Variants in TBC1D16 observed in about 807,000 individuals in gnomAD.
TBC1D16 encodes TBC1 domain family member 16.
TBC1D16 carries 58 observed loss-of-function variants against 74.7 expected under a neutral mutation model. The ratio of observed to expected loss-of-function variants is 0.78; its 90% confidence interval spans 0.63 to 0.97. The LOEUF (loss-of-function observed/expected upper bound fraction) is 0.97. TBC1D16 is among the 50% of genes least tolerant of loss of function. The probability of loss-of-function intolerance (pLI) is 0.00; values close to 1 mark genes in which losing one functional copy is unlikely to be tolerated. For missense variants in TBC1D16, 1,014 were observed against 1,079.5 expected, an observed-to-expected ratio of 0.94 and a Z score of 0.85; for synonymous variants, 493 against 474.7, an observed-to-expected ratio of 1.04 and a Z score of -0.50.
intron 8 of TBC1D16, among the ~76,000 whole-genome samples, chr17:79,948,037 G>A (rs1283994257): frequency 3.3e-5 from 5 of 152,240 alleles, no homozygotes; most frequent in South Asian, 2.1e-4. Context: ...CTGGCCGGGC[G>A]CGGTGGCCCA....
Position 79,975,051 on chromosome 17 carries a change from ACCT to A in TBC1D16, c.780-22236_780-22234del, listed in dbSNP as rs2034273380. Among the ~76,000 whole-genome samples the A allele has an allele frequency of 6.6e-6, 1 of 151,648 alleles. No homozygotes were observed. The highest frequency in any genetic ancestry group is 2.4e-5 in the African/African-American group (1 of 41,242). On this transcript the variant is annotated intron_variant, in intron 3 of 11. Coordinates refer to ENST00000310924, the MANE Select transcript of TBC1D16 (RefSeq NM_019020.4). This position sits in a 1 kb window ranked among gnomAD's most constrained non-coding sequence, Gnocchi z 4.5. The stretch of plus-strand genomic sequence containing the variant: ...CAAGGAAGAAGCCCTCTGCTCCGTC[ACCT>A]CCTCGCCATGCCGTCCCCACTGCCA...
rs2034925332 is a variant in TBC1D16 at position 79,988,386 on chromosome 17, C to T, written c.779+21774G>A. 1.3e-5 allele frequency among the ~76,000 whole-genome samples: 2 copies of T among 152,388 alleles called. No individual in the cohort carries two copies. Among genetic ancestry groups the T allele is most frequent in the South Asian group, 4.1e-4 (2 of 4,832 alleles). ...TGTGGCTGATTTACCCAAACTGAAACATTTTCCTTTTGTCGACTGTAGAGA... is the reference window on the plus strand; with the variant it reads ...TGTGGCTGATTTACCCAAACTGAAATATTTTCCTTTTGTCGACTGTAGAGA... On this transcript the variant is annotated intron_variant, in intron 3 of 11. Coordinates refer to ENST00000310924, the MANE Select transcript of TBC1D16 (RefSeq NM_019020.4). This position sits in a 1 kb window ranked among gnomAD's most constrained non-coding sequence, Gnocchi z 5.7.
At chr17:79,977,765 A>C (rs913351091) in intron 3 of TBC1D16, among the ~76,000 whole-genome samples, 1 of 152,256 alleles carries the variant, frequency 6.6e-6, no homozygotes, top group Non-Finnish European at 1.5e-5. Context: ...TCCAGCCGAG[A>C]GGCTGGACTC....
In TBC1D16 at chr17:80,025,562, CCCGCCTGCTGGGAGCAG is replaced by C. The variant is rs1489248382; in HGVS notation, c.-63+10216_-63+10232del. Among the ~76,000 whole-genome samples, 141 of 148,452 alleles carry C rather than the reference CCCGCCTGCTGGGAGCAG, an allele frequency of 9.5e-4. 11 individuals carry two copies. Among genetic ancestry groups the C allele is most frequent in the Middle Eastern group, 3.5e-3 (1 of 282 alleles). ...CAGTCCTGGCACCTGGGCTTCGGGG[CCCGCCTGCTGGGAGCAG>C]CCGCCTGCTGGGAGCACCTCCTTGC... is the stretch of plus-strand genomic sequence containing the variant. On this transcript the variant is annotated intron_variant, in intron 1 of 11. Transcript: ENST00000310924.
At chr17:79,942,623 GGAAGTCT>G (rs1205564198) in intron 10 of TBC1D16, among the ~76,000 whole-genome samples, 1 of 152,160 alleles carries the variant, frequency 6.6e-6, no homozygotes, top group Non-Finnish European at 1.5e-5. Flanking sequence ...CGGTGTGTGC[GGAAGTCT>G]GGGTCAGAAC....
intron 3 of TBC1D16, among the ~76,000 whole-genome samples, chr17:79,969,498 G>A (rs1159344406): frequency 6.6e-6 from 1 of 152,338 alleles, no homozygotes; most frequent in Non-Finnish European, 1.5e-5. Flanking sequence ...TGGTGAGGAG[G>A]TCCTAGAGAA....
At chr17:80,032,159 G>A (rs1375123951) in intron 1 of TBC1D16, among the ~76,000 whole-genome samples, 2 of 152,222 alleles carry the variant, frequency 1.3e-5, no homozygotes, top group African/African-American at 4.8e-5. Context: ...AAGCCAGCAT[G>A]GATGCGGGCT....
chr17:79,954,669 C>T lies in TBC1D16; in HGVS notation c.780-1851G>A, dbSNP rs2033250905. On this transcript the variant is annotated intron_variant, in intron 3 of 11. Transcript: ENST00000310924. The surrounding 1 kb of genome is among the most constrained non-coding windows in gnomAD (Gnocchi z 5.5). ...GCAGGTCTCGAGTCTGAGGCCCCAC[C>T]GCACCCATGGGTGCCCCCTTCTGTC... Among the ~76,000 whole-genome samples, 3 of 152,270 alleles carry T rather than the reference C, an allele frequency of 2.0e-5. No homozygotes were observed. The highest frequency in any genetic ancestry group is 1.9e-4 in the East Asian group (1 of 5,178).
chr17:79,963,042 C>T (rs2033685177), intron 3 of TBC1D16, among the ~76,000 whole-genome samples: 1 of 144,466 alleles, frequency 6.9e-6, no homozygotes, highest in African/African-American at 2.5e-5. Context: ...AAGAGCAAAA[C>T]TCCATCTCAA....
intron 3 of TBC1D16, among the ~76,000 whole-genome samples, chr17:79,997,356 T>C (rs564680575): frequency 1.6e-4 from 24 of 152,242 alleles, no homozygotes; most frequent in Non-Finnish European, 3.1e-4. Flanking sequence ...CGGTACTTTT[T>C]TTTTTTTTGC....
intron 1 of TBC1D16, among the ~76,000 whole-genome samples, chr17:80,027,335 G>A (rs2036613404): frequency 6.6e-6 from 1 of 152,022 alleles, no homozygotes. Flanking sequence ...GGTGGCATGT[G>A]CCTATAGTCC....
Position 79,981,567 on chromosome 17 carries a change from G to A in TBC1D16, c.779+28593C>T, listed in dbSNP as rs1387867636. On this transcript the variant is annotated intron_variant, in intron 3 of 11. Transcript: ENST00000310924. This position sits in a 1 kb window ranked among gnomAD's most constrained non-coding sequence, Gnocchi z 6.9. ...ACGCAGAGACATATTCAAGATCGTC[G>A]GTGATAAAGAAATGCGCATGAACAT... 1.3e-5 allele frequency among the ~76,000 whole-genome samples: 2 copies of A among 152,180 alleles called. No individual in the cohort carries two copies. Among genetic ancestry groups the A allele is most frequent in the Non-Finnish European group, 2.9e-5 (2 of 68,030 alleles).
chr17:80,010,123 G>A lies in TBC1D16; in HGVS notation c.779+37C>T, dbSNP rs767197172. 9 of 1,542,646 alleles carry A rather than the reference G, an allele frequency of 5.8e-6. No individual in the cohort carries two copies. The highest frequency in any genetic ancestry group is 7.9e-6 in the Non-Finnish European group (9 of 1,136,114). On this transcript the variant is annotated intron_variant, in intron 3 of 11. Transcript: ENST00000310924. This position sits in a 1 kb window ranked among gnomAD's most constrained non-coding sequence, Gnocchi z 8.8. Reference sequence around the variant, plus strand: ...TTCCTGCCCAGGTCAGGCCTTGGGGGCCTCCCGAGAGCCCACGCCCAGAAC... The same window carrying A: ...TTCCTGCCCAGGTCAGGCCTTGGGGACCTCCCGAGAGCCCACGCCCAGAAC...
intron 3 of TBC1D16, among the ~76,000 whole-genome samples, chr17:79,960,879 G>A (rs1009141513): frequency 6.4e-5 from 9 of 141,570 alleles, no homozygotes; most frequent in African/African-American, 2.1e-4. Context: ...ACAATGTGAC[G>A]GGAAGTCAAA....
chr17:79,963,118 G>A (rs117707697), intron 3 of TBC1D16, among the ~76,000 whole-genome samples: 5,042 of 151,614 alleles, frequency 0.033, 130 homozygotes, highest in East Asian at 0.081. Context: ...GGGGGAGACT[G>A]AGGCAGGAGA....
chr17:80,035,014 A>G lies in TBC1D16; in HGVS notation c.-63+781T>C, dbSNP rs1047077810. On this transcript the variant is annotated intron_variant, in intron 1 of 11. Coordinates refer to ENST00000310924, the MANE Select transcript of TBC1D16 (RefSeq NM_019020.4). The surrounding 1 kb of genome is among the most constrained non-coding windows in gnomAD (Gnocchi z 5.3). ...CCCAGACAGTAAAACAAACTTTACCATAAGGCGAGACTAACTTTTGTTATG... is the reference window on the plus strand; with the variant it reads ...CCCAGACAGTAAAACAAACTTTACCGTAAGGCGAGACTAACTTTTGTTATG... Among the ~76,000 whole-genome samples the G allele has an allele frequency of 2.4e-4, 36 of 152,342 alleles. No homozygotes were observed. The highest frequency in any genetic ancestry group is 6.8e-3 in the Middle Eastern group (2 of 294).
In TBC1D16 at chr17:79,954,184, G is replaced by T. The variant is rs1457906397; in HGVS notation, c.780-1366C>A. Among the ~76,000 whole-genome samples the T allele has an allele frequency of 1.3e-5, 2 of 152,206 alleles. No individual in the cohort carries two copies. The highest frequency in any genetic ancestry group is 3.4e-3 in the Middle Eastern group (1 of 294). On this transcript the variant is annotated intron_variant, in intron 3 of 11. Coordinates refer to ENST00000310924, the MANE Select transcript of TBC1D16 (RefSeq NM_019020.4). The surrounding 1 kb of genome is among the most constrained non-coding windows in gnomAD (Gnocchi z 5.5). ...CCACAGAGACTCAGCCGCATTCACC[G>T]CACCTGCCTTCCCGTTTGAGCTCAG...
At chr17:79,942,232 A>C in intron 10 of TBC1D16, 26 bp from the exon 11 acceptor site, 1 of 1,564,462 alleles carries the variant, frequency 6.4e-7, no homozygotes, top group Non-Finnish European at 8.7e-7. Flanking sequence ...GAGTTCAGAC[A>C]CGGGCTCTGA....
rs1398419414 is a variant in TBC1D16 at position 79,983,565 on chromosome 17, A to C, written c.779+26595T>G. On this transcript the variant is annotated intron_variant, in intron 3 of 11. Coordinates refer to ENST00000310924, the MANE Select transcript of TBC1D16 (RefSeq NM_019020.4). The surrounding 1 kb of genome is among the most constrained non-coding windows in gnomAD (Gnocchi z 5.6). ...GGGAGCTGAGCCACCGACGGCTACA[A>C]AGACGGGGACGCTTTCCTAGGGCTC... is the stretch of plus-strand genomic sequence containing the variant. 6.6e-6 allele frequency among the ~76,000 whole-genome samples: 1 copy of C among 152,228 alleles called. No homozygotes were observed. The highest frequency in any genetic ancestry group is 6.5e-5 in the Admixed American group (1 of 15,282).
Sources: allele counts gnomAD v4.1 joint callset (sites outside exome capture counted in the v4.1 genomes callset), GRCh38; gene constraint gnomAD v4.1.1; non-coding constraint Gnocchi (gnomAD v3.1); transcripts MANE v1.5; gene names NCBI Gene and HGNC (gene_info 2026-07-23, HGNC 2026-07-21).